RBFOX1: variants seen among roughly 807,000 people sequenced by gnomAD.
The protein encoded by RBFOX1 is RNA binding fox-1 homolog 1.
Under a neutral mutation model 57.7 loss-of-function variants are expected in RBFOX1, and 8 were observed. The observed-to-expected ratio is 0.14, with a 90% CI of 0.08 to 0.25. RBFOX1 has a LOEUF of 0.25. RBFOX1 is among the 10% of genes least tolerant of loss of function. The pLI is 1.00. For missense variants in RBFOX1, 611 were observed against 548.5 expected, an observed-to-expected ratio of 1.11 and a Z score of -1.14; for synonymous variants, 326 against 222.4, an observed-to-expected ratio of 1.47 and a Z score of -4.15.
intron 3 of RBFOX1, among the ~76,000 whole-genome samples, chr16:7,047,974 G>A (rs1200961938): frequency 6.6e-6 from 1 of 151,724 alleles, no homozygotes; most frequent in African/African-American, 2.4e-5. Context: ...CCCCTGCCGG[G>A]TTCAAGCGAT....
At chr16:6,470,741 G>C (rs1345140301) in intron 2 of RBFOX1, among the ~76,000 whole-genome samples, 1 of 152,178 alleles carries the variant, frequency 6.6e-6, no homozygotes, top group Non-Finnish European at 1.5e-5. Flanking sequence ...ACTTGTAACA[G>C]TGATCTAGGA....
At chr16:7,676,259 G>T (rs2073234476) in intron 13 of RBFOX1, among the ~76,000 whole-genome samples, 1 of 151,972 alleles carries the variant, frequency 6.6e-6, no homozygotes, top group Admixed American at 6.6e-5. Context: ...TAACATTAGT[G>T]GTTTAACAAC....
chr16:7,341,436 T>G (rs563481096), intron 4 of RBFOX1, among the ~76,000 whole-genome samples: 3 of 152,248 alleles, frequency 2.0e-5, no homozygotes, highest in African/African-American at 7.2e-5. Context: ...ATTGGGATGA[T>G]CAAGTCCCAG....
chr16:7,440,430 T>A (rs111943905), intron 4 of RBFOX1, among the ~76,000 whole-genome samples: 10 of 152,128 alleles, frequency 6.6e-5, no homozygotes, highest in Non-Finnish European at 1.3e-4. Flanking sequence ...CAAGCCTATG[T>A]CCCTTTGTAT....
intron 1 of RBFOX1, among the ~76,000 whole-genome samples, chr16:5,279,658 T>C (rs915123939): frequency 2.0e-5 from 3 of 152,088 alleles, no homozygotes; most frequent in Admixed American, 1.3e-4. Flanking sequence ...CCTACCACCA[T>C]GCCTGGCTAA....
At chr16:6,759,996 C>G (rs538522658) in intron 3 of RBFOX1, among the ~76,000 whole-genome samples, 7 of 152,254 alleles carry the variant, frequency 4.6e-5, no homozygotes, top group Non-Finnish European at 8.8e-5. Context: ...AATATGTAGC[C>G]TTCAAGGGCA....
chr16:7,474,333 T>C (rs1024548623), intron 4 of RBFOX1, among the ~76,000 whole-genome samples: 1 of 152,126 alleles, frequency 6.6e-6, no homozygotes, highest in African/African-American at 2.4e-5. Flanking sequence ...CCCATCTCTC[T>C]CAGCTGTTAT....
At chr16:6,220,807 C>T (rs2097368261) in intron 1 of RBFOX1, among the ~76,000 whole-genome samples, 1 of 152,022 alleles carries the variant, frequency 6.6e-6, no homozygotes, top group African/African-American at 2.4e-5. Flanking sequence ...CTTTCTTCCA[C>T]CCTCAGATGT....
At chr16:7,027,242 A>G (rs1460515764) in intron 3 of RBFOX1, among the ~76,000 whole-genome samples, 5 of 152,224 alleles carry the variant, frequency 3.3e-5, no homozygotes, top group South Asian at 4.1e-4. Context: ...TATTTGTTCA[A>G]CTAATAAACA....
rs146133999 is a variant in RBFOX1 at position 6,982,911 on chromosome 16, T to A, written c.-15-69146T>A. 4.7e-3 allele frequency among the ~76,000 whole-genome samples: 692 copies of A among 147,622 alleles called. 1 individual carries two copies. Among genetic ancestry groups the A allele is most frequent in the African/African-American group, 0.016 (659 of 40,090 alleles). ...GGGAGGCTGAGGCAGGGAGAACAAC[T>A]TGAACCCAGGAGGTGGAGGTTGCAG... On this transcript the variant is annotated intron_variant, in intron 3 of 15. Transcript: ENST00000550418.
chr16:5,424,965 T>TTC (rs2067492259), intron 1 of RBFOX1, among the ~76,000 whole-genome samples: 1 of 45,834 alleles, frequency 2.2e-5, no homozygotes, highest in Non-Finnish European at 4.1e-5. Flanking sequence ...TGTTTCTTTC[T>TTC]CTTTCTTTCT....
chr16:6,048,217 G>A (rs1183841317), intron 1 of RBFOX1, among the ~76,000 whole-genome samples: 1 of 152,156 alleles, frequency 6.6e-6, no homozygotes, highest in Non-Finnish European at 1.5e-5. Flanking sequence ...AAGGATCCTT[G>A]GCCAGGGTCA....
intron 2 of RBFOX1, among the ~76,000 whole-genome samples, chr16:5,543,366 A>G (rs2151065262): frequency 6.6e-6 from 1 of 152,302 alleles, no homozygotes; most frequent in African/African-American, 2.4e-5. Flanking sequence ...CTCTAGAGAT[A>G]GAACTCTGTG....
At chr16:6,044,705 T>C (rs1281852712) in intron 1 of RBFOX1, among the ~76,000 whole-genome samples, 1 of 152,190 alleles carries the variant, frequency 6.6e-6, no homozygotes, top group African/African-American at 2.4e-5. Context: ...TATAATGGCC[T>C]TCTGTGCATT....
At chr16:6,923,766 A>T (rs1301974430) in intron 3 of RBFOX1, among the ~76,000 whole-genome samples, 1 of 152,158 alleles carries the variant, frequency 6.6e-6, no homozygotes, top group Non-Finnish European at 1.5e-5. Context: ...CTTAATTAAT[A>T]GTTAGTCTAT....
At chr16:6,925,795 G>T (rs2075467364) in intron 3 of RBFOX1, among the ~76,000 whole-genome samples, 1 of 151,766 alleles carries the variant, frequency 6.6e-6, no homozygotes, top group South Asian at 2.1e-4. Context: ...TTAGAAATAG[G>T]AATAAAATAA....
chr16:5,852,200 C>A (rs1372157824), intron 3 of RBFOX1, among the ~76,000 whole-genome samples: 1 of 152,164 alleles, frequency 6.6e-6, no homozygotes, highest in African/African-American at 2.4e-5. Context: ...ATCGTGCCTT[C>A]AAGTTCATGC....
intron 2 of RBFOX1, among the ~76,000 whole-genome samples, chr16:6,415,159 C>CCT (rs2093586137): frequency 6.7e-6 from 1 of 148,556 alleles, no homozygotes; most frequent in Non-Finnish European, 1.5e-5. Flanking sequence ...AGGAGAATCG[C>CCT]TTGAACCAGG....
chr16:5,666,433 A>G (rs906372844), intron 3 of RBFOX1, among the ~76,000 whole-genome samples: 1 of 152,194 alleles, frequency 6.6e-6, no homozygotes, highest in Non-Finnish European at 1.5e-5. Context: ...ACTGAATTCC[A>G]TTGAATTCAC....
Sources: gnomAD v4.1 joint callset for allele counts (sites outside exome capture counted in the v4.1 genomes callset) on GRCh38, gnomAD v4.1.1 for gene constraint, MANE v1.5 for transcripts, NCBI Gene and HGNC (gene_info 2026-07-23, HGNC 2026-07-21) for gene names.